NHSL1: variants seen among roughly 807,000 people sequenced by gnomAD.
NHSL1 encodes the protein NHS like 1, also known as NHS-like protein 1.
A neutral mutation model predicts 95.0 loss-of-function variants in NHSL1; 48 were observed. That is an observed-to-expected ratio of 0.51 (90% CI 0.40 to 0.64). NHSL1 has a LOEUF of 0.64. Among genes scored for constraint, NHSL1 ranks in the 30% least tolerant of loss-of-function variants. NHSL1 has a pLI of 0.00. For missense variants in NHSL1, 1,971 were observed against 2,077.7 expected, an observed-to-expected ratio of 0.95 and a Z score of 1.00; for synonymous variants, 783 against 833.9, an observed-to-expected ratio of 0.94 and a Z score of 1.05.
Position 138,468,532 on chromosome 6 carries a change from G to A in NHSL1, c.339+4774C>T, listed in dbSNP as rs987666488. On this transcript the variant is annotated intron_variant, in intron 3 of 7. Transcript: ENST00000343505. ...CTCATAGGAGCGCAAACCCTATTGTGAACTGTGCATGTGAGGGATCTAGGT... is the reference window on the plus strand; with the variant it reads ...CTCATAGGAGCGCAAACCCTATTGTAAACTGTGCATGTGAGGGATCTAGGT... Among the ~76,000 whole-genome samples, 5 of 152,154 alleles carry A rather than the reference G, an allele frequency of 3.3e-5. No individual in the cohort carries two copies. In the East Asian group the frequency reaches 9.6e-4, roughly 29 times the overall value.
At chr6:138,606,934 A>G (rs1232085768) in intron 1 of NHSL1, among the ~76,000 whole-genome samples, 1 of 151,606 alleles carries the variant, frequency 6.6e-6, no homozygotes, top group East Asian at 1.9e-4. Context: ...CGATCTCCTG[A>G]CCTCATGATC....
At chr6:138,628,984 T>C (rs1430550750) in intron 1 of NHSL1, among the ~76,000 whole-genome samples, 1 of 152,204 alleles carries the variant, frequency 6.6e-6, no homozygotes, top group African/African-American at 2.4e-5. Context: ...AAGAAAACAT[T>C]AGACATGTCA....
chr6:138,672,355 C>T (rs954260144), intron 1 of NHSL1, among the ~76,000 whole-genome samples: 12 of 152,142 alleles, frequency 7.9e-5, no homozygotes, highest in African/African-American at 2.4e-4. Flanking sequence ...GGAATTTCAT[C>T]GCTACCTCCT....
At chr6:138,571,374 G>A (rs1288314595) in intron 1 of NHSL1, among the ~76,000 whole-genome samples, 1 of 152,120 alleles carries the variant, frequency 6.6e-6, no homozygotes, top group Non-Finnish European at 1.5e-5. Context: ...TGCTATAAGG[G>A]CAGAAGATTC....
chr6:138,465,559 A>G (rs546414584), intron 3 of NHSL1, among the ~76,000 whole-genome samples: 1 of 152,214 alleles, frequency 6.6e-6, no homozygotes, highest in African/African-American at 2.4e-5. Flanking sequence ...TTCACCTAGT[A>G]CTGTATGCCA....
chr6:138,611,581 T>C (rs2114598365), intron 1 of NHSL1, among the ~76,000 whole-genome samples: 1 of 151,682 alleles, frequency 6.6e-6, no homozygotes, highest in East Asian at 2.0e-4. Context: ...TCTGTCTCTA[T>C]TAAAAATACA....
intron 1 of NHSL1, among the ~76,000 whole-genome samples, chr6:138,598,698 A>G (rs1583441707): frequency 6.6e-6 from 1 of 152,020 alleles, no homozygotes; most frequent in South Asian, 2.1e-4. Context: ...GTGAACATAG[A>G]CCCTTTCTCC....
intron 1 of NHSL1, among the ~76,000 whole-genome samples, chr6:138,545,033 C>T (rs1782734797): frequency 7.0e-6 from 1 of 143,294 alleles, no homozygotes; most frequent in Non-Finnish European, 1.5e-5. Flanking sequence ...TCTTGTTGCC[C>T]AGGCTGGAGT....
At chr6:138,531,503 C>T (rs1169297394) in intron 1 of NHSL1, among the ~76,000 whole-genome samples, 1 of 151,066 alleles carries the variant, frequency 6.6e-6, no homozygotes, top group East Asian at 1.9e-4. Context: ...CATTTGTCAA[C>T]CATTTTGTTT....
intron 1 of NHSL1, among the ~76,000 whole-genome samples, chr6:138,604,048 T>C (rs1484589690): frequency 1.3e-5 from 2 of 152,204 alleles, no homozygotes; most frequent in Non-Finnish European, 2.9e-5. Flanking sequence ...CAAGAGCTCC[T>C]ACGAAAACAT....
At chr6:138,555,988 G>A (rs756600317) in intron 1 of NHSL1, among the ~76,000 whole-genome samples, 2 of 151,956 alleles carry the variant, frequency 1.3e-5, no homozygotes, top group Admixed American at 6.6e-5. Flanking sequence ...AGGGTATCTC[G>A]GAGGTTCCTT....
rs534245995 is a variant in NHSL1, at chr6:138,663,084, T to C, written c.96+29392A>G. 2.7e-3 allele frequency among the ~76,000 whole-genome samples: 227 copies of C among 83,280 alleles called. 2 individuals carry two copies. Among genetic ancestry groups the C allele is most frequent in the Admixed American group, 5.4e-3 (44 of 8,218 alleles). 54.6% of individuals were successfully genotyped at this position (83,280 alleles called of 152,430 possible). A position where few individuals can be genotyped will look rare whatever the true frequency, so the allele number is the denominator to read the frequency against. ...CGGCAAAAAAAAAAAGAAAAAGAAA[T>C]ATTAAATGTCTAACAATCAGATATT... On this transcript the variant is annotated intron_variant, in intron 1 of 3. Transcript: ENST00000491526.
intron 1 of NHSL1, among the ~76,000 whole-genome samples, chr6:138,611,212 C>T (rs888423854): frequency 9.9e-5 from 15 of 152,058 alleles, no homozygotes; most frequent in Non-Finnish European, 1.5e-4. Flanking sequence ...AGTAGGAAAC[C>T]GTCAGTGTCA....
chr6:138,464,710 C>CTT (rs1388677216), intron 3 of NHSL1, among the ~76,000 whole-genome samples: 5 of 111,718 alleles, frequency 4.5e-5, no homozygotes, highest in Admixed American at 3.0e-4. Context: ...TTTTTTTTTT[C>CTT]TTTTCTTTTT....
At chr6:138,653,362 T>C (rs373364073) in intron 1 of NHSL1, among the ~76,000 whole-genome samples, 1 of 152,146 alleles carries the variant, frequency 6.6e-6, no homozygotes, top group East Asian at 1.9e-4. Flanking sequence ...AAGACCATCC[T>C]GGCCAACAAG....
chr6:138,609,860 C>G (rs913207808), intron 1 of NHSL1, among the ~76,000 whole-genome samples: 2 of 152,102 alleles, frequency 1.3e-5, no homozygotes, highest in Admixed American at 1.3e-4. Flanking sequence ...TGGCAGGCAC[C>G]AATACTCAAT....
At chr6:138,437,365 T>TACACATATATATATACAC (rs1554222042) in intron 5 of NHSL1, among the ~76,000 whole-genome samples, 1 of 91,150 alleles carries the variant, frequency 1.1e-5, no homozygotes, top group Non-Finnish European at 2.0e-5. Context: ...TACACATATA[T>TACACATATATATATACAC]ATATATACAC....
At chr6:138,631,739 G>C (rs1366715817) in intron 1 of NHSL1, among the ~76,000 whole-genome samples, 1 of 152,118 alleles carries the variant, frequency 6.6e-6, no homozygotes, top group Non-Finnish European at 1.5e-5. Flanking sequence ...AAGGGCCTTG[G>C]TGAGCCTCTG....
chr6:138,561,344 G>C (rs563188074), intron 1 of NHSL1, among the ~76,000 whole-genome samples: 1 of 152,264 alleles, frequency 6.6e-6, no homozygotes, highest in East Asian at 1.9e-4. Flanking sequence ...GTATGGGAGT[G>C]ATGATCTCTT....
Sources: allele counts gnomAD v4.1 joint callset (sites outside exome capture counted in the v4.1 genomes callset), GRCh38; gene constraint gnomAD v4.1.1; transcripts MANE v1.5; gene names NCBI Gene and HGNC (gene_info 2026-07-23, HGNC 2026-07-21).